The following DCDC1 variants were observed in gnomAD, a reference collection of about 807,000 sequenced individuals.
The protein encoded by DCDC1 is doublecortin domain containing 1.
DCDC1 carries 200 observed loss-of-function variants against 178.3 expected under a neutral mutation model. That is an observed-to-expected ratio of 1.12 (90% confidence interval 1.00 to 1.26). The LOEUF (loss-of-function observed/expected upper bound fraction) is 1.26. Among genes scored for constraint, DCDC1 ranks in the 50% most tolerant of loss-of-function variants. DCDC1 has a pLI of 0.00. For synonymous variants in DCDC1, 690 were observed against 604.8 expected, an observed-to-expected ratio of 1.14 and a Z score of -2.07; for missense variants, 1,983 against 1,749.2, an observed-to-expected ratio of 1.13 and a Z score of -2.38.
Position 31,201,237 on chromosome 11 carries a change from A to G in DCDC1, c.1221+40213T>C, listed in dbSNP as rs953288867. Among the ~76,000 whole-genome samples the G allele has an allele frequency of 5.9e-5, 9 of 152,026 alleles. No homozygotes were observed. The East Asian group carries it at 1.7e-3, about 29-fold the overall frequency. ...CTTATTATTTTATGTTGCCTTAAAT[A>G]CTCCTTAAATAAGAGAACAGTATAA... On this transcript the variant is annotated intron_variant, in intron 9 of 38. Coordinates refer to ENST00000684477, the MANE Select transcript of DCDC1 (RefSeq NM_001387274.1).
chr11:31,054,867 T>G (rs904792699), intron 20 of DCDC1, among the ~76,000 whole-genome samples: 19 of 152,300 alleles, frequency 1.2e-4, no homozygotes, highest in African/African-American at 4.6e-4. Context: ...ATCTCAGATG[T>G]GAAATTATAA....
chr11:31,185,087 G>T (rs899147739), intron 9 of DCDC1, among the ~76,000 whole-genome samples: 1 of 152,178 alleles, frequency 6.6e-6, no homozygotes, highest in Non-Finnish European at 1.5e-5. Flanking sequence ...CCATAAAAAA[G>T]GGTGAGTTCA....
chr11:31,364,743 C>T (rs1951876190), intron 1 of DCDC1, among the ~76,000 whole-genome samples: 1 of 150,396 alleles, frequency 6.6e-6, no homozygotes, highest in African/African-American at 2.5e-5. Flanking sequence ...AGACAACCAA[C>T]AAAGGGAAAA....
intron 9 of DCDC1, among the ~76,000 whole-genome samples, chr11:31,227,867 A>T (rs1008526415): frequency 6.6e-6 from 1 of 152,084 alleles, no homozygotes; most frequent in African/African-American, 2.4e-5. Context: ...TATTAAAATA[A>T]AACAAAATGG....
At chr11:31,181,779 C>G (rs1968835799) in intron 9 of DCDC1, among the ~76,000 whole-genome samples, 1 of 151,966 alleles carries the variant, frequency 6.6e-6, no homozygotes, top group Non-Finnish European at 1.5e-5. Flanking sequence ...CACAAAACGG[C>G]TGAAAATTCC....
intron 29 of DCDC1, among the ~76,000 whole-genome samples, chr11:30,907,212 T>TA (rs1472913858): frequency 2.0e-5 from 3 of 151,982 alleles, no homozygotes; most frequent in African/African-American, 7.3e-5. Context: ...ACAATATAAA[T>TA]AAAAACAAAT....
At chr11:31,162,799 T>C (rs1966427878) in intron 9 of DCDC1, among the ~76,000 whole-genome samples, 1 of 152,202 alleles carries the variant, frequency 6.6e-6, no homozygotes, top group Non-Finnish European at 1.5e-5. Flanking sequence ...ATTAGCACTA[T>C]AAAATTATAG....
At chr11:30,906,504 C>T (rs1401082085) in intron 30 of DCDC1, 36 bp downstream of exon 30, 1 of 1,566,994 alleles carries the variant, frequency 6.4e-7, no homozygotes, top group South Asian at 1.2e-5. Context: ...AAATTGTTGC[C>T]ATACATGCAT....
chr11:31,279,284 C>G (rs1407293295), intron 7 of DCDC1, among the ~76,000 whole-genome samples: 1 of 150,976 alleles, frequency 6.6e-6, no homozygotes, highest in Non-Finnish European at 1.5e-5. Flanking sequence ...TATTTTAATC[C>G]TTTTAAGTTG....
chr11:31,105,220 T>C (rs2135757403), intron 13 of DCDC1, among the ~76,000 whole-genome samples: 1 of 152,132 alleles, frequency 6.6e-6, no homozygotes, highest in Non-Finnish European at 1.5e-5. Context: ...ACTGTTAAAA[T>C]CACAATGAAA....
chr11:31,286,340 T>G (rs1270816939), intron 7 of DCDC1, among the ~76,000 whole-genome samples: 1 of 152,102 alleles, frequency 6.6e-6, no homozygotes, highest in South Asian at 2.1e-4. Context: ...AAAAGTATTC[T>G]GTTCTCTTTG....
In DCDC1 at chr11:31,141,370, C is replaced by G. The variant is rs148242478; in HGVS notation, c.1222-3586G>C. On this transcript the variant is annotated intron_variant, in intron 9 of 38. Transcript: ENST00000684477. ...TAGGTACTAGCCAAAGGTGGAAAAG[C>G]CTTTTAGTCCAACCAAACTCTCATT... 3.9e-3 allele frequency among the ~76,000 whole-genome samples: 601 copies of G among 152,216 alleles called. 4 individuals carry two copies. Among genetic ancestry groups the G allele is most frequent in the African/African-American group, 0.013 (558 of 41,542 alleles).
At chr11:30,971,830 C>T (rs1025323192) in intron 20 of DCDC1, among the ~76,000 whole-genome samples, 9 of 151,900 alleles carry the variant, frequency 5.9e-5, no homozygotes, top group Admixed American at 1.3e-4. Context: ...ACGATGGTCT[C>T]GATCTCCTGA....
chr11:30,956,158 T>C (rs967668248), intron 20 of DCDC1, among the ~76,000 whole-genome samples: 1 of 152,172 alleles, frequency 6.6e-6, no homozygotes, highest in Non-Finnish European at 1.5e-5. Flanking sequence ...GCATTCATGT[T>C]GGGGAAAATT....
rs1027189707 is a variant in DCDC1 at position 31,018,484 on chromosome 11, C to T, written c.2591+45985G>A. Among the ~76,000 whole-genome samples the T allele has an allele frequency of 7.4e-4, 112 of 152,162 alleles. 2 individuals carry two copies. Among genetic ancestry groups the T allele is most frequent in the African/African-American group, 1.7e-4 (7 of 41,444 alleles). On this transcript the variant is annotated intron_variant, in intron 20 of 38. Coordinates refer to ENST00000684477, the MANE Select transcript of DCDC1 (RefSeq NM_001387274.1). ...AGATGCCCTATGCTCCTCACAGGTT[C>T]GTCCTTTTATGTTTGCTACAACCCT...
chr11:31,165,980 C>G (rs1966747612), intron 9 of DCDC1, among the ~76,000 whole-genome samples: 1 of 152,152 alleles, frequency 6.6e-6, no homozygotes, highest in Non-Finnish European at 1.5e-5. Flanking sequence ...ACAACCTAAC[C>G]TGTATAGTAT....
At chr11:31,000,444 C>A (rs559855940) in intron 20 of DCDC1, among the ~76,000 whole-genome samples, 12 of 152,208 alleles carry the variant, frequency 7.9e-5, no homozygotes, top group Non-Finnish European at 1.0e-4. Flanking sequence ...GAAAGAATTG[C>A]AAGCCTTCAT....
intron 17 of DCDC1, among the ~76,000 whole-genome samples, chr11:31,078,963 A>G (rs1323081515): frequency 6.6e-6 from 1 of 152,142 alleles, no homozygotes; most frequent in Non-Finnish European, 1.5e-5. Flanking sequence ...GAAAAATCAA[A>G]TGTTTAAACT....
intron 20 of DCDC1, among the ~76,000 whole-genome samples, chr11:31,006,316 G>C (rs1951843664): frequency 6.6e-6 from 1 of 152,116 alleles, no homozygotes. Flanking sequence ...CCTAAATGTG[G>C]ATTGCCTCCA....
Sources: allele counts gnomAD v4.1 joint callset (sites outside exome capture counted in the v4.1 genomes callset), GRCh38; gene constraint gnomAD v4.1.1; transcripts MANE v1.5; gene names NCBI Gene and HGNC (gene_info 2026-07-23, HGNC 2026-07-21).